Variants in DMD observed in about 807,000 individuals in gnomAD.
DMD encodes the protein dystrophin.
A neutral mutation model predicts 330.1 loss-of-function variants in DMD; 63 were observed. That is an observed-to-expected ratio of 0.19 (90% confidence interval 0.16 to 0.24). The LOEUF is 0.24. Among genes scored for constraint, DMD ranks in the 10% least tolerant of loss-of-function variants. The probability of loss-of-function intolerance (pLI) is 1.00; values close to 1 mark genes in which losing one functional copy is unlikely to be tolerated. For synonymous variants in DMD, 1,223 were observed against 959.8 expected, an observed-to-expected ratio of 1.27 and a Z score of -5.07; for missense variants, 3,344 against 2,684.1, an observed-to-expected ratio of 1.25 and a Z score of -5.43.
At chrX:32,408,864 T>C (rs367651472) in intron 30 of DMD, among the ~76,000 whole-genome samples, 1 of 87,642 alleles carries the variant, frequency 1.1e-5, no homozygotes, top group Admixed American at 1.4e-4. Flanking sequence ...TTTCTTTCTT[T>C]CATCTATCTA....
At chrX:33,188,764 G>T (rs2050385591) in intron 1 of DMD, among the ~76,000 whole-genome samples, 1 of 111,836 alleles carries the variant, frequency 8.9e-6, no homozygotes, top group South Asian at 3.7e-4. Flanking sequence ...ACTGTAGTTG[G>T]AGATAGGGTC....
intron 1 of DMD, among the ~76,000 whole-genome samples, chrX:33,132,724 C>T (rs900695189): frequency 3.6e-5 from 4 of 112,358 alleles, no homozygotes; most frequent in African/African-American, 9.7e-5. Context: ...ACTCAGGCTC[C>T]GAAGTCAAAG....
chrX:31,890,285 G>A (rs1160523746), intron 47 of DMD, among the ~76,000 whole-genome samples: 1 of 105,816 alleles, frequency 9.5e-6, no homozygotes, highest in African/African-American at 3.5e-5. Context: ...GAGGAAGGAG[G>A]ACTGCTTGAG....
chrX:31,494,155 C>CAA (rs753929470), intron 57 of DMD, among the ~76,000 whole-genome samples: 554 of 49,729 alleles, frequency 0.011, 10 homozygotes, highest in African/African-American at 0.036. Context: ...GACCCAGTCT[C>CAA]AAAAAAAAAA....
intron 24 of DMD, 101 bp from the exon 25 acceptor site, chrX:32,463,695 C>T (rs2098391444): frequency 2.6e-6 from 2 of 757,227 alleles, no homozygotes; most frequent in Non-Finnish European, 3.6e-6. Context: ...GATGGCATTG[C>T]ATATGGATTT....
rs113260237 is a variant in DMD, at chrX:33,196,592, A to C, written c.31+14690T>G. ...CAAGTTGGTATCCAAATGTACATTTATCTTTTAGAGTTATATACATTAGTT... is the reference window on the plus strand; with the variant it reads ...CAAGTTGGTATCCAAATGTACATTTCTCTTTTAGAGTTATATACATTAGTT... On this transcript the variant is annotated intron_variant, in intron 1 of 78. Transcript: ENST00000357033. 4.8e-3 allele frequency among the ~76,000 whole-genome samples: 535 copies of C among 112,316 alleles called. 2 individuals are homozygous for C. Among genetic ancestry groups the C allele is most frequent in the Non-Finnish European group, 8.3e-3 (441 of 53,246 alleles).
At chrX:32,292,839 A>G (rs1380184963) in intron 42 of DMD, among the ~76,000 whole-genome samples, 1 of 112,358 alleles carries the variant, frequency 8.9e-6, no homozygotes, top group African/African-American at 3.2e-5. Context: ...GAGGCAGGTG[A>G]GACTACAGAT....
At chrX:33,058,472 T>TTTTA (rs199736273) in intron 1 of DMD, among the ~76,000 whole-genome samples, 132 of 54,485 alleles carry the variant, frequency 2.4e-3, no homozygotes, top group African/African-American at 0.015. Flanking sequence ...TATTATTTTA[T>TTTTA]TTTTTTTTTT....
chrX:31,716,680 G>T (rs1351253218), intron 52 of DMD, among the ~76,000 whole-genome samples: 2 of 111,092 alleles, frequency 1.8e-5, no homozygotes, highest in East Asian at 2.8e-4. Context: ...GAAATTTTAA[G>T]TCCCATGAGT....
intron 60 of DMD, among the ~76,000 whole-genome samples, chrX:31,441,567 T>C (rs1320864441): frequency 8.9e-6 from 1 of 112,388 alleles, no homozygotes; most frequent in Non-Finnish European, 1.9e-5. Context: ...TTGGTTTTTA[T>C]CACGATTTAA....
At chrX:32,842,167 G>T (rs7879662) in intron 4 of DMD, among the ~76,000 whole-genome samples, 31,989 of 110,983 alleles carry the variant, frequency 0.29, 3,569 homozygotes, top group South Asian at 0.46. Flanking sequence ...AAGTCCTGAA[G>T]ATGCTGTTTC....
intron 34 of DMD, among the ~76,000 whole-genome samples, chrX:32,374,697 G>A (rs73463803): frequency 1.1e-3 from 123 of 111,324 alleles, no homozygotes; most frequent in African/African-American, 3.7e-3. Flanking sequence ...TGCTGTTTGC[G>A]TTACTACAGC....
intron 2 of DMD, among the ~76,000 whole-genome samples, chrX:33,005,211 C>T (rs2093367175): frequency 9.3e-6 from 1 of 107,691 alleles, no homozygotes; most frequent in Non-Finnish European, 1.9e-5. Context: ...CTGTCTTTAT[C>T]CAGAATGCAT....
At chrX:33,136,652 G>T (rs1569556159) in intron 1 of DMD, among the ~76,000 whole-genome samples, 1 of 110,460 alleles carries the variant, frequency 9.1e-6, no homozygotes, top group African/African-American at 3.3e-5. Flanking sequence ...GAACTTGTTT[G>T]CCCTTCCAGT....
chrX:31,478,043 A>G, intron 59 of DMD, 63 bp downstream of exon 59: 5 of 1,157,600 alleles, frequency 4.3e-6, no homozygotes, highest in Non-Finnish European at 5.8e-6. Context: ...ACTGCACTCA[A>G]GTTCAGATTA....
intron 59 of DMD, among the ~76,000 whole-genome samples, chrX:31,474,673 C>T (rs1484596212): frequency 9.7e-6 from 1 of 102,964 alleles, no homozygotes; most frequent in Non-Finnish European, 2.0e-5. Context: ...AGCACCACTG[C>T]ACTCCAGCCT....
chrX:32,769,488 G>A (rs2073369064), intron 7 of DMD, among the ~76,000 whole-genome samples: 1 of 111,725 alleles, frequency 9.0e-6, no homozygotes, highest in Admixed American at 9.5e-5. Flanking sequence ...CACCAATAAG[G>A]AACACCTACA....
intron 4 of DMD, among the ~76,000 whole-genome samples, chrX:32,832,566 A>G (rs2079239829): frequency 9.0e-6 from 1 of 111,621 alleles, no homozygotes; most frequent in Non-Finnish European, 1.9e-5. Context: ...TAGCCAAGCT[A>G]AAGACTTCTC....
chrX:33,294,788 T>G (rs1345074117), intron 1 of DMD, among the ~76,000 whole-genome samples: 1 of 110,723 alleles, frequency 9.0e-6, no homozygotes, highest in Non-Finnish European at 1.9e-5. Context: ...TATAGTGCCT[T>G]TTTGATTTTA....
Sources: allele counts gnomAD v4.1 joint callset (sites outside exome capture counted in the v4.1 genomes callset), GRCh38; gene constraint gnomAD v4.1.1; transcripts MANE v1.5; gene names NCBI Gene and HGNC (gene_info 2026-07-23, HGNC 2026-07-21).